Variants in RUNX1 observed in about 807,000 individuals in gnomAD.
RUNX1 encodes RUNX family transcription factor 1, also known as runt-related transcription factor 1.
A neutral mutation model predicts 42.8 loss-of-function variants in RUNX1; 19 were observed. That is an observed-to-expected ratio of 0.44 (90% confidence interval 0.31 to 0.65). The LOEUF is 0.65. RUNX1 is among the 30% of genes least tolerant of loss of function. The pLI, the probability that RUNX1 is intolerant of heterozygous loss-of-function variation, is 0.07. For synonymous variants in RUNX1, 271 were observed against 289.4 expected (o/e 0.94, Z 0.64); for missense variants, 528 against 672.0 (o/e 0.79, Z 2.37).
At position 34,799,282 on chromosome 21, in the gene RUNX1, G is replaced by C. The variant is rs1415832925; in HGVS notation, c.967+19C>G. 6.2e-7 allele frequency: 1 copy of C among 1,613,876 alleles called. No homozygotes were observed. Among genetic ancestry groups the C allele is most frequent in the Non-Finnish European group, 8.5e-7 (1 of 1,179,862 alleles). On this transcript the variant is annotated intron_variant, in intron 8 of 8. Coordinates refer to ENST00000675419, the MANE Select transcript of RUNX1 (RefSeq NM_001754.5). ...CCACCCCAGCTCAGCTGCAAAGAAT[G>C]TGTTTTCAAGTGGCTTACTTGAGAG... is the stretch of plus-strand genomic sequence containing the variant.
intron 2 of RUNX1, among the ~76,000 whole-genome samples, chr21:34,922,178 C>T (rs145271631): frequency 3.9e-5 from 6 of 152,078 alleles, no homozygotes; most frequent in Non-Finnish European, 7.4e-5. Flanking sequence ...GTGGGGGGCT[C>T]GAGGCTGGTG....
intron 4 of RUNX1, among the ~76,000 whole-genome samples, chr21:34,881,042 C>T (rs763028187): frequency 6.6e-6 from 1 of 152,120 alleles, no homozygotes; most frequent in Non-Finnish European, 1.5e-5. Context: ...AAATTTACCT[C>T]ATAAAGCCAT....
intron 2 of RUNX1, among the ~76,000 whole-genome samples, chr21:34,988,078 C>A (rs1297197019): frequency 1.3e-5 from 2 of 152,174 alleles, no homozygotes; most frequent in Non-Finnish European, 2.9e-5. Context: ...TTTCTAGCAT[C>A]CTATAATTGT....
At chr21:35,034,681 C>G (rs1203233422) in intron 2 of RUNX1, among the ~76,000 whole-genome samples, 1 of 152,186 alleles carries the variant, frequency 6.6e-6, no homozygotes, top group Non-Finnish European at 1.5e-5. Context: ...ACATACAGCA[C>G]AGAGGGCAGT....
intron 2 of RUNX1, among the ~76,000 whole-genome samples, chr21:34,893,970 A>G (rs1215524302): frequency 6.6e-6 from 1 of 152,118 alleles, no homozygotes; most frequent in Non-Finnish European, 1.5e-5. Context: ...AAATATGTAT[A>G]GTCTCAAAGG....
chr21:34,996,295 G>A (rs1232875470), intron 2 of RUNX1, among the ~76,000 whole-genome samples: 2 of 152,052 alleles, frequency 1.3e-5, no homozygotes, highest in African/African-American at 4.8e-5. Context: ...AAGAGGGGAT[G>A]AGGAGGAGGG....
intron 8 of RUNX1, among the ~76,000 whole-genome samples, chr21:34,797,338 C>T (rs1225734590): frequency 6.6e-6 from 1 of 152,176 alleles, no homozygotes; most frequent in Non-Finnish European, 1.5e-5. Context: ...ACAAATGTAA[C>T]TGTGATATGG....
At chr21:34,830,781 C>T (rs1381591354) in intron 7 of RUNX1, among the ~76,000 whole-genome samples, 1 of 152,176 alleles carries the variant, frequency 6.6e-6, no homozygotes, top group African/African-American at 2.4e-5. Context: ...AAATGTCTGA[C>T]CCACGTCAAA....
At chr21:34,904,606 T>C (rs2058203051) in intron 2 of RUNX1, among the ~76,000 whole-genome samples, 1 of 152,194 alleles carries the variant, frequency 6.6e-6, no homozygotes, top group African/African-American at 2.4e-5. Context: ...AGTAACTACA[T>C]AGCACACTCC....
intron 2 of RUNX1, among the ~76,000 whole-genome samples, chr21:34,920,145 C>G (rs529339218): frequency 6.6e-6 from 1 of 152,188 alleles, no homozygotes; most frequent in East Asian, 1.9e-4. Flanking sequence ...TGGCTCCATA[C>G]TATTTTACCA....
At chr21:34,961,357 A>AAAT (rs149477951) in intron 2 of RUNX1, among the ~76,000 whole-genome samples, 6,863 of 151,372 alleles carry the variant, frequency 0.045, 541 homozygotes, top group African/African-American at 0.16. Context: ...CTCTATCTCA[A>AAAT]AATAATAATA....
chr21:34,896,308 A>G (rs963808256), intron 2 of RUNX1, among the ~76,000 whole-genome samples: 4 of 152,286 alleles, frequency 2.6e-5, no homozygotes, highest in East Asian at 3.9e-4. Context: ...GGGATTATCA[A>G]CATTCCAGGG....
intron 2 of RUNX1, among the ~76,000 whole-genome samples, chr21:35,021,108 T>C (rs1196913566): frequency 6.6e-6 from 1 of 152,228 alleles, no homozygotes; most frequent in Non-Finnish European, 1.5e-5. Flanking sequence ...TTTTGGAGTA[T>C]GCTCATTCCC....
At chr21:34,816,416 G>A (rs776386779) in intron 7 of RUNX1, among the ~76,000 whole-genome samples, 2 of 152,070 alleles carry the variant, frequency 1.3e-5, no homozygotes, top group South Asian at 2.1e-4. Flanking sequence ...TTGCCTGCCT[G>A]GATGGCATCT....
chr21:34,928,478 T>C (rs1437474121), intron 2 of RUNX1, among the ~76,000 whole-genome samples: 2 of 152,074 alleles, frequency 1.3e-5, no homozygotes, highest in Non-Finnish European at 2.9e-5. Flanking sequence ...TGGATCACTT[T>C]AAGTCAGGAG....
At position 34,832,462 on chromosome 21, in the gene RUNX1, A is replaced by C. The variant is rs117278906; in HGVS notation, c.805+1948T>G. On this transcript the variant is annotated intron_variant, in intron 7 of 8. Coordinates refer to ENST00000675419, the MANE Select transcript of RUNX1 (RefSeq NM_001754.5). ...AAAATGCTTAAGACTTTTTGTTCCCATATCAGCAGAAAAAGGCAAATCCCT... is the reference window on the plus strand; with the variant it reads ...AAAATGCTTAAGACTTTTTGTTCCCCTATCAGCAGAAAAAGGCAAATCCCT... Among the ~76,000 whole-genome samples the C allele has an allele frequency of 2.7e-3, 404 of 152,332 alleles. 7 individuals carry two copies. The highest frequency in any genetic ancestry group is 2.3e-3 in the Non-Finnish European group (159 of 68,038).
intron 2 of RUNX1, among the ~76,000 whole-genome samples, chr21:34,940,358 TAA>T (rs1229817658): frequency 6.6e-6 from 1 of 152,212 alleles, no homozygotes; most frequent in African/African-American, 2.4e-5. Context: ...ATGTCCCAGT[TAA>T]AAGTGTTTTA....
rs1601508876 is a variant in RUNX1 at position 34,877,078 on chromosome 21, T to C, written c.508+3479A>G. On this transcript the variant is annotated intron_variant, in intron 5 of 8. Coordinates refer to ENST00000675419, the MANE Select transcript of RUNX1 (RefSeq NM_001754.5). ...GTCACCATGTTGGCCAGGCTGGTCT[T>C]GAACTCCTGACCTCAGGTGATCCAC... Among the ~76,000 whole-genome samples, 4 of 152,230 alleles carry C rather than the reference T, an allele frequency of 2.6e-5. No individual in the cohort carries two copies. In the East Asian group the frequency reaches 7.7e-4, roughly 29 times the overall value.
Position 34,815,961 on chromosome 21 carries a change from A to G in RUNX1, c.806-16499T>C, listed in dbSNP as rs113456251. On this transcript the variant is annotated intron_variant, in intron 7 of 8. Transcript: ENST00000675419. Reference sequence around the variant, plus strand: ...GATGAGGGCCAGAAAGCCAAGAAGCATGGAGACTTCCTAGGCTCCTCCTCA... The same window carrying G: ...GATGAGGGCCAGAAAGCCAAGAAGCGTGGAGACTTCCTAGGCTCCTCCTCA... Among the ~76,000 whole-genome samples the G allele has an allele frequency of 2.5e-4, 38 of 152,276 alleles. 2 individuals are homozygous for G. The highest frequency in any genetic ancestry group is 8.7e-4 in the African/African-American group (36 of 41,556).
Sources: allele counts gnomAD v4.1 joint callset (sites outside exome capture counted in the v4.1 genomes callset), GRCh38; gene constraint gnomAD v4.1.1; transcripts MANE v1.5; gene names NCBI Gene and HGNC (gene_info 2026-07-23, HGNC 2026-07-21).